The following FGFR1 variants were observed in gnomAD, a reference collection of about 807,000 sequenced individuals.
FGFR1 encodes FGFR1/PLAG1 fusion.
Under a neutral mutation model 93.7 loss-of-function variants are expected in FGFR1, and 18 were observed. The ratio of observed to expected loss-of-function variants is 0.19; its 90% confidence interval spans 0.13 to 0.28. FGFR1 has a LOEUF of 0.28. Among genes scored for constraint, FGFR1 ranks in the 10% least tolerant of loss-of-function variants. The pLI is 1.00. For missense variants in FGFR1, 731 were observed against 1,080.4 expected, an observed-to-expected ratio of 0.68 and a Z score of 4.53; for synonymous variants, 448 against 429.3, an observed-to-expected ratio of 1.04 and a Z score of -0.54.
At chr8:38,462,598 T>C (rs1476612307) in intron 1 of FGFR1, among the ~76,000 whole-genome samples, 1 of 152,124 alleles carries the variant, frequency 6.6e-6, no homozygotes, top group Non-Finnish European at 1.5e-5. Flanking sequence ...CATGTTATAA[T>C]GTTATATTTC....
intron 1 of FGFR1, chr8:38,466,611 G>A (rs1361564996): frequency 8.7e-6 from 2 of 229,164 alleles, no homozygotes; most frequent in Non-Finnish European, 8.7e-6. Context: ...TTTCTCCCCC[G>A]AATCTCAACG....
chr8:38,437,877 C>T (rs1825972972), intron 2 of FGFR1, among the ~76,000 whole-genome samples: 1 of 152,224 alleles, frequency 6.6e-6, no homozygotes, highest in Admixed American at 6.5e-5. Context: ...CCCGGTCCCA[C>T]AGCAGCCACT....
chr8:38,444,556 A>ATTTTTTTTTT (rs562700623), intron 2 of FGFR1, among the ~76,000 whole-genome samples: 70 of 129,142 alleles, frequency 5.4e-4, no homozygotes, highest in Non-Finnish European at 6.9e-4. Context: ...GCGTGGCTAA[A>ATTTTTTTTTT]TTTTTTTTTT....
chr8:38,423,233 C>G (rs1405315099), intron 7 of FGFR1: 1 of 760,506 alleles, frequency 1.3e-6, no homozygotes, highest in African/African-American at 1.7e-5. Context: ...TGGCCACGCA[C>G]GTTGCTCCCG....
At chr8:38,427,833 TA>T (rs2150905577) in intron 5 of FGFR1, 87 bp downstream of exon 5, 7 of 1,462,548 alleles carry the variant, frequency 4.8e-6, no homozygotes, top group Non-Finnish European at 6.7e-6. Flanking sequence ...AAGTATTACT[TA>T]AAAAAATGAA....
chr8:38,417,656 G>T, intron 11 of FGFR1: 1 of 760,076 alleles, frequency 1.3e-6, no homozygotes, highest in Non-Finnish European at 2.2e-6. Flanking sequence ...ATAAACACCT[G>T]ACCACAGCCC....
chr8:38,414,473 T>C, intron 15 of FGFR1, 86 bp downstream of exon 15: 1 of 1,556,702 alleles, frequency 6.4e-7, no homozygotes, highest in Non-Finnish European at 8.8e-7. Context: ...GAAAGAGGAC[T>C]CCTCAGTCCA....
chr8:38,467,918 C>A (rs17182086), intron 1 of FGFR1, 63 bp downstream of exon 1: 1 of 218,870 alleles, frequency 4.6e-6, no homozygotes, highest in Non-Finnish European at 9.2e-6. Context: ...CGGGAGGCTC[C>A]GGCGCCGGGG....
rs2150862682 is a variant in FGFR1 at position 38,426,192 on chromosome 8, C to T, written c.675G>A (p.Lys225=). ...IIMDSVVPSD[K]GNYTCIVENE... is the part of the protein sequence containing the mutation. ...TCTCCACAATGCAGGTGTAGTTGCC[C>T]TTGTCAGAGGGCACCACAGAGTCCA... The change falls in exon 6 of 18, where the codon AAG becomes AAA. Residue 225 remains lysine, a synonymous_variant. Coordinates refer to ENST00000447712, the MANE Select transcript of FGFR1 (RefSeq NM_023110.3). The surrounding 1 kb of genome is among the most constrained non-coding windows in gnomAD (Gnocchi z 4.1). The T allele has an allele frequency of 3.1e-6, 5 of 1,614,170 alleles. No homozygotes were observed. The highest frequency in any genetic ancestry group is 4.2e-6 in the Non-Finnish European group (5 of 1,180,026).
chr8:38,446,499 C>T (rs1421810469), intron 2 of FGFR1, among the ~76,000 whole-genome samples: 1 of 151,762 alleles, frequency 6.6e-6, no homozygotes, highest in East Asian at 1.9e-4. Context: ...GTGTGACCCA[C>T]CACACCAGGC....
intron 13 of FGFR1, 130 bp downstream of exon 13, chr8:38,415,740 C>T (rs1816291671): frequency 1.1e-6 from 1 of 922,566 alleles, no homozygotes. Flanking sequence ...TAAGACAACA[C>T]ACAGGGCACA....
chr8:38,465,921 G>T (rs1835394146), intron 1 of FGFR1: 1 of 226,686 alleles, frequency 4.4e-6, no homozygotes, highest in Non-Finnish European at 8.8e-6. Flanking sequence ...GAGAAAGTGC[G>T]ATTTCATTAC....
At chr8:38,418,153 A>C (rs553663854) in intron 10 of FGFR1, 75 bp downstream of exon 10, 26 of 1,598,970 alleles carry the variant, frequency 1.6e-5, no homozygotes, top group Admixed American at 8.3e-5. Flanking sequence ...AGAAGGTGTT[A>C]GTATACACAC....
In FGFR1 at chr8:38,414,824, G is replaced by C. The variant is rs756586457; in HGVS notation, c.1932C>G (p.Leu644=). The change falls in exon 14 of 18, where the codon CTC becomes CTG. Residue 644 remains leucine, a synonymous_variant. Transcript: ENST00000447712. ...DNVMKIADFG[L]ARDIHHIDYY... is the part of the protein sequence containing the mutation. The stretch of plus-strand genomic sequence containing the variant: ...AGTCGATGTGGTGAATGTCCCGTGC[G>C]AGGCCAAAGTCTGCTATCTTCATCA... 6.2e-7 allele frequency: 1 copy of C among 1,614,008 alleles called. No homozygotes were observed. Among genetic ancestry groups the C allele is most frequent in the Non-Finnish European group, 8.5e-7 (1 of 1,180,030 alleles).
intron 7 of FGFR1, chr8:38,423,852 A>G (rs1012149898): frequency 2.3e-5 from 4 of 171,152 alleles, no homozygotes; most frequent in African/African-American, 7.2e-5. Flanking sequence ...CAGCTAAGCT[A>G]GGGGAGGATG....
At chr8:38,466,438 C>T (rs2151486712) in intron 1 of FGFR1, 1 of 231,530 alleles carries the variant, frequency 4.3e-6, no homozygotes, top group African/African-American at 2.2e-5. Context: ...CCTAGTCTAG[C>T]GGATGAACCG....
intron 2 of FGFR1, among the ~76,000 whole-genome samples, chr8:38,447,052 T>A (rs1289458642): frequency 1.3e-5 from 2 of 151,384 alleles, no homozygotes; most frequent in African/African-American, 2.4e-5. Flanking sequence ...CTGTGACTGA[T>A]GTGTAACCTC....
At position 38,427,914 on chromosome 8, in the gene FGFR1, C is replaced by A. The variant is rs377200873; in HGVS notation, c.621+7G>T. ...TTACTCTAACTTTCGCATGCACACA[C>A]ACGTACCTTGTAGCCTCCAATTCTG... On this transcript the variant is annotated splice_region_variant and intron_variant, in intron 5 of 17. Coordinates refer to ENST00000447712, the MANE Select transcript of FGFR1 (RefSeq NM_023110.3). 6.6e-5 allele frequency: 107 copies of A among 1,614,266 alleles called. No individual in the cohort carries two copies. Among genetic ancestry groups the A allele is most frequent in the Non-Finnish European group, 8.6e-5 (102 of 1,180,052 alleles).
In FGFR1 at chr8:38,419,644, C is replaced by T; in HGVS notation, c.1173G>A (p.Val391=). 3 of 1,614,132 alleles carry T rather than the reference C, an allele frequency of 1.9e-6. No homozygotes were observed. The highest frequency in any genetic ancestry group is 2.5e-6 in the Non-Finnish European group (3 of 1,180,004). The part of the protein sequence containing the change: ...CTGAFLISCM[V]GSVIVYKMKS... ...TCATCTTGTAGACGATGACCGACCC[C>T]ACCATGCAGGAGATGAGGAAGGCCC... is the stretch of plus-strand genomic sequence containing the variant. The change falls in exon 9 of 18, where the codon GTG becomes GTA. Residue 391 remains valine (V), a synonymous_variant. Transcript: ENST00000447712.
Sources: allele counts gnomAD v4.1 joint callset (sites outside exome capture counted in the v4.1 genomes callset), GRCh38; gene constraint gnomAD v4.1.1; non-coding constraint Gnocchi (gnomAD v3.1); transcripts MANE v1.5; gene names NCBI Gene and HGNC (gene_info 2026-07-23, HGNC 2026-07-21).